Variants in CST7 observed in about 807,000 individuals in gnomAD.
CST7 encodes cystatin-F.
CST7 carries 15 observed loss-of-function variants against 13.1 expected under a neutral mutation model. The ratio of observed to expected loss-of-function variants is 1.14; its 90% confidence interval spans 0.77 to 1.76. The LOEUF is 1.76. Ranked by LOEUF, CST7 falls within the 40% of genes most tolerant of loss-of-function variation. The probability of loss-of-function intolerance (pLI) is 0.00; values close to 1 mark genes in which losing one functional copy is unlikely to be tolerated. For synonymous variants in CST7, 75 were observed against 66.9 expected (o/e 1.12, Z -0.59); for missense variants, 193 against 178.8 (o/e 1.08, Z -0.45).
chr20:24,949,539 T>A lies in CST7; in HGVS notation c.34T>A (p.Cys12Ser), dbSNP rs1328758999. Residue 12 changes from cysteine to serine, a missense_variant, in exon 1 of 4, where the codon TGC becomes AGC. Coordinates refer to ENST00000480798, the MANE Select transcript of CST7 (RefSeq NM_003650.4). ...GGCTGGAACTCTGCTGGCCTTCTGC[T>A]GCCTGGTCTTGAGCACCACTGGGGG... ...RAAGTLLAFC[C>S]LVLSTTGGPS... 1 of 1,614,162 alleles carries A rather than the reference T, an allele frequency of 6.2e-7. No homozygotes were observed. Among genetic ancestry groups the A allele is most frequent in the East Asian group, 2.2e-5 (1 of 44,878 alleles).
chr20:24,956,720 G>A (rs1421031468), intron 1 of CST7, among the ~76,000 whole-genome samples: 1 of 151,976 alleles, frequency 6.6e-6, no homozygotes, highest in Non-Finnish European at 1.5e-5. Flanking sequence ...GCGGGCAAAA[G>A]GTCTTGAGAC....
chr20:24,959,876 C>T lies in CST7; in HGVS notation c.*164C>T. 1.5e-6 allele frequency: 1 copy of T among 656,990 alleles called. No individual in the cohort carries two copies. Among genetic ancestry groups the T allele is most frequent in the Non-Finnish European group, 2.8e-6 (1 of 361,580 alleles). The allele number at this position is 656,990 out of a possible 1,614,324, so 40.7% of individuals were successfully genotyped here. On this transcript the variant is annotated 3_prime_UTR_variant, in exon 4 of 4. Coordinates refer to ENST00000480798, the MANE Select transcript of CST7 (RefSeq NM_003650.4). ...CACCGCAGGGCAGCTGGAATGGCAG[C>T]ATGGTAGCACCTCCTAACAGATTAA...
rs1273752825 is a variant in CST7 at position 24,959,769 on chromosome 20, G to T, written c.*57G>T. ...ACAAACACCAGGATGCATGCTCCTT[G>T]TCCCCTCCCACCCGCCTCATGACCC... is the stretch of plus-strand genomic sequence containing the variant. On this transcript the variant is annotated 3_prime_UTR_variant, in exon 4 of 4. Transcript: ENST00000480798. 3.2e-6 allele frequency: 5 copies of T among 1,548,112 alleles called. No homozygotes were observed. The highest frequency in any genetic ancestry group is 4.5e-6 in the Non-Finnish European group (5 of 1,120,552).
intron 1 of CST7, among the ~76,000 whole-genome samples, chr20:24,952,479 G>A (rs916655418): frequency 1.3e-5 from 2 of 152,244 alleles, no homozygotes; most frequent in Non-Finnish European, 2.9e-5. Flanking sequence ...ACAGCGGGCA[G>A]GTGTGGCCCC....
Position 24,949,533 on chromosome 20 carries a change from TTCTGCTGCCTGG to T in CST7, c.32_43del (p.Cys11_Val14del), listed in dbSNP as rs2087806913. The stretch of plus-strand genomic sequence containing the variant: ...GCGAGCGGCTGGAACTCTGCTGGCC[TTCTGCTGCCTGG>T]TCTTGAGCACCACTGGGGGCCCTTC... On this transcript the variant is annotated inframe_deletion, in exon 1 of 4. Coordinates refer to ENST00000480798, the MANE Select transcript of CST7 (RefSeq NM_003650.4). 6.2e-7 allele frequency: 1 copy of T among 1,614,002 alleles called. No homozygotes were observed. The highest frequency in any genetic ancestry group is 1.1e-5 in the South Asian group (1 of 91,092).
Position 24,958,787 on chromosome 20 carries a change from G to A in CST7, c.244-141G>A, listed in dbSNP as rs558286889. 7.1e-5 allele frequency: 48 copies of A among 673,422 alleles called. 1 individual carries two copies. Among genetic ancestry groups the A allele is most frequent in the South Asian group, 4.3e-4 (25 of 57,866 alleles). The allele number at this position is 673,422 out of a possible 1,614,324, so 41.7% of individuals were successfully genotyped here. Reference sequence around the variant, plus strand: ...GGTCTGCAGGCTCTGCCGTAAGCCCGAAGCATTGCCCCAAGATGCTGGCCC... The same window carrying A: ...GGTCTGCAGGCTCTGCCGTAAGCCCAAAGCATTGCCCCAAGATGCTGGCCC... On this transcript the variant is annotated intron_variant, in intron 2 of 3. Coordinates refer to ENST00000480798, the MANE Select transcript of CST7 (RefSeq NM_003650.4).
intron 1 of CST7, among the ~76,000 whole-genome samples, chr20:24,951,461 C>T (rs1160741843): frequency 3.9e-5 from 6 of 152,226 alleles, no homozygotes; most frequent in Non-Finnish European, 1.5e-5. Context: ...CCAGCAAGGG[C>T]CTTCAGTCTT....
intron 1 of CST7, among the ~76,000 whole-genome samples, chr20:24,952,517 G>A (rs900225328): frequency 5.3e-5 from 8 of 152,206 alleles, no homozygotes; most frequent in Non-Finnish European, 1.2e-4. Context: ...GAATTTTGAT[G>A]GTGTCATGTG....
At chr20:24,949,779 A>C (rs2087808713) in intron 1 of CST7, among the ~76,000 whole-genome samples, 2 of 152,070 alleles carry the variant, frequency 1.3e-5, no homozygotes, top group Admixed American at 6.5e-5. Flanking sequence ...ACAGGGATGA[A>C]GGGTTTGGGG....
At chr20:24,956,000 G>A (rs924699661) in intron 1 of CST7, among the ~76,000 whole-genome samples, 2 of 152,198 alleles carry the variant, frequency 1.3e-5, no homozygotes, top group Admixed American at 1.3e-4. Flanking sequence ...CTCACCTTCT[G>A]GCCCAGAACC....
chr20:24,959,870 T>C lies in CST7; in HGVS notation c.*158T>C. 1 of 679,464 alleles carries C rather than the reference T, an allele frequency of 1.5e-6. No homozygotes were observed. Among genetic ancestry groups the C allele is most frequent in the South Asian group, 1.6e-5 (1 of 61,418 alleles). The allele number at this position is 679,464 out of a possible 1,614,324, so 42.1% of individuals were successfully genotyped here. On this transcript the variant is annotated 3_prime_UTR_variant, in exon 4 of 4. Coordinates refer to ENST00000480798, the MANE Select transcript of CST7 (RefSeq NM_003650.4). ...CTGGGTCACCGCAGGGCAGCTGGAA[T>C]GGCAGCATGGTAGCACCTCCTAACA...
rs200933943 is a variant in CST7, at chr20:24,957,313, C to A, written c.97C>A (p.Arg33Ser). The A allele has an allele frequency of 2.2e-5, 35 of 1,612,640 alleles. No homozygotes were observed. The highest frequency in any genetic ancestry group is 2.7e-5 in the Non-Finnish European group (32 of 1,179,058). The change falls in exon 2 of 4, where the codon CGT becomes AGT. Residue 33 changes from arginine to serine, a missense_variant. Physicochemically the swap from Arg to Ser is moderately radical, Grantham distance 110 (BLOSUM62 -1). Transcript: ENST00000480798. Reference protein sequence around the residue: ...PDTCSQDLNSRVKPGFPKTIK... With the variant: ...PDTCSQDLNSSVKPGFPKTIK... The stretch of plus-strand genomic sequence containing the variant: ...TACTTGTTCCCAGGACCTTAACTCA[C>A]GTGTGAAGCCAGGATTTCCTAAAAC...
At position 24,957,490 on chromosome 20, in the gene CST7, G is replaced by A. The variant is rs771195878; in HGVS notation, c.243+31G>A. The A allele has an allele frequency of 8.1e-6, 13 of 1,606,284 alleles. No homozygotes were observed. In the Admixed American group the frequency reaches 1.0e-4, roughly 13 times the overall value. On this transcript the variant is annotated intron_variant, in intron 2 of 3. Transcript: ENST00000480798. ...GGTCTGGGTTCTGGTCACATATCACGGACACCCCTAGGAAGCCGAGCTGCT... is the reference window on the plus strand; with the variant it reads ...GGTCTGGGTTCTGGTCACATATCACAGACACCCCTAGGAAGCCGAGCTGCT...
intron 2 of CST7, 63 bp from the exon 3 acceptor site, chr20:24,958,865 C>A: frequency 8.2e-7 from 1 of 1,222,496 alleles, no homozygotes; most frequent in African/African-American, 1.5e-5. Context: ...GCCCTGCTTC[C>A]TAGTGGAGAA....
intron 3 of CST7, 98 bp from the exon 4 acceptor site, chr20:24,959,537 G>A (rs1290195225): frequency 1.9e-6 from 2 of 1,080,170 alleles, no homozygotes; most frequent in Non-Finnish European, 2.8e-6. Flanking sequence ...AAAAATAGGG[G>A]CAGGAGAAGA....
chr20:24,954,508 A>G (rs1055050293), intron 1 of CST7, among the ~76,000 whole-genome samples: 4 of 152,210 alleles, frequency 2.6e-5, no homozygotes, highest in African/African-American at 9.6e-5. Context: ...TTAATTCTTA[A>G]TGATCAACAT....
At position 24,957,312 on chromosome 20, in the gene CST7, A is replaced by G; in HGVS notation, c.96A>G (p.Ser32=). 6.2e-7 allele frequency: 1 copy of G among 1,613,430 alleles called. No individual in the cohort carries two copies. The highest frequency in any genetic ancestry group is 8.5e-7 in the Non-Finnish European group (1 of 1,179,586). Residue 32 remains serine (S), a synonymous_variant, in exon 2 of 4, where the codon TCA becomes TCG. Transcript: ENST00000480798. The part of the protein sequence containing the change: ...SPDTCSQDLN[S]RVKPGFPKTI... ...ATACTTGTTCCCAGGACCTTAACTC[A>G]CGTGTGAAGCCAGGATTTCCTAAAA...
At position 24,949,312 on chromosome 20, in the gene CST7, A is replaced by C. The variant is rs1438708778; in HGVS notation, c.-194A>C. 6.7e-7 allele frequency: 1 copy of C among 1,492,894 alleles called. No individual in the cohort carries two copies. Among genetic ancestry groups the C allele is most frequent in the Non-Finnish European group, 9.0e-7 (1 of 1,114,416 alleles). The allele number at this position is 1,492,894 out of a possible 1,614,324, so 92.5% of individuals were successfully genotyped here. A position where few individuals can be genotyped will look rare whatever the true frequency, so the allele number is the denominator to read the frequency against. ...AGAAGGCTCAGCACAGGCACAAACC[A>C]TTGCCCGGCACTGGCCCGTGCTGCC... On this transcript the variant is annotated 5_prime_UTR_variant, in exon 1 of 4. Coordinates refer to ENST00000480798, the MANE Select transcript of CST7 (RefSeq NM_003650.4).
chr20:24,959,366 A>G (rs2087880869), intron 3 of CST7, among the ~76,000 whole-genome samples: 1 of 152,180 alleles, frequency 6.6e-6, no homozygotes, highest in African/African-American at 2.4e-5. Flanking sequence ...TATCATATAC[A>G]TACATATGAT....
Sources: gnomAD v4.1 joint callset for allele counts (sites outside exome capture counted in the v4.1 genomes callset) on GRCh38, gnomAD v4.1.1 for gene constraint, MANE v1.5 for transcripts, NCBI Gene and HGNC (gene_info 2026-07-23, HGNC 2026-07-21) for gene names.